The following DNAJC15 variants were observed in gnomAD, a reference collection of about 807,000 sequenced individuals.
The protein encoded by DNAJC15 is DnaJ heat shock protein family (Hsp40) member C15.
Under a neutral mutation model 22.4 loss-of-function variants are expected in DNAJC15, and 27 were observed. That is an observed-to-expected ratio of 1.20 (90% CI 0.89 to 1.66). The LOEUF is 1.66. DNAJC15 is among the 40% of genes most tolerant of loss of function. The probability of loss-of-function intolerance (pLI) is 0.00; values close to 1 mark genes in which losing one functional copy is unlikely to be tolerated. For missense variants in DNAJC15, 208 were observed against 187.1 expected (o/e 1.11, Z -0.65); for synonymous variants, 79 against 63.2 (o/e 1.25, Z -1.19).
intron 4 of DNAJC15, among the ~76,000 whole-genome samples, chr13:43,079,030 T>G (rs1047010946): frequency 6.6e-6 from 1 of 152,204 alleles, no homozygotes; most frequent in African/African-American, 2.4e-5. Flanking sequence ...TATTGTTAAT[T>G]ATAATCCAGG....
At chr13:43,047,172 T>C (rs544463192) in intron 1 of DNAJC15, among the ~76,000 whole-genome samples, 8 of 152,308 alleles carry the variant, frequency 5.3e-5, no homozygotes, top group African/African-American at 1.9e-4. Context: ...CTTAAGATCA[T>C]TTTCATGTCA....
chr13:43,027,064 A>G (rs1184791680), intron 1 of DNAJC15, among the ~76,000 whole-genome samples: 1 of 152,242 alleles, frequency 6.6e-6, no homozygotes, highest in African/African-American at 2.4e-5. Context: ...ATGGTTTAAT[A>G]GAAGTCATAA....
chr13:43,057,052 T>C (rs989845016), intron 1 of DNAJC15, among the ~76,000 whole-genome samples: 1 of 152,242 alleles, frequency 6.6e-6, no homozygotes, highest in African/African-American at 2.4e-5. Flanking sequence ...ATTCTTTCCT[T>C]CATCTTGACT....
chr13:43,101,275 G>C (rs1231848738), intron 5 of DNAJC15, among the ~76,000 whole-genome samples: 3 of 152,144 alleles, frequency 2.0e-5, no homozygotes, highest in Admixed American at 6.5e-5. Context: ...TGATCCTCCT[G>C]CCCCAGCCTC....
intron 4 of DNAJC15, among the ~76,000 whole-genome samples, chr13:43,083,359 G>A (rs1257724545): frequency 6.6e-6 from 1 of 152,058 alleles, no homozygotes; most frequent in Non-Finnish European, 1.5e-5. Flanking sequence ...AGTAGAGACA[G>A]GGTTTCACCA....
At chr13:43,044,922 T>C (rs1273447756) in intron 1 of DNAJC15, among the ~76,000 whole-genome samples, 3 of 152,128 alleles carry the variant, frequency 2.0e-5, no homozygotes, top group Non-Finnish European at 4.4e-5. Context: ...CTTTTCATCC[T>C]CTACAATCTA....
intron 3 of DNAJC15, among the ~76,000 whole-genome samples, chr13:43,070,694 A>C (rs559295496): frequency 6.6e-6 from 1 of 152,298 alleles, no homozygotes; most frequent in East Asian, 1.9e-4. Context: ...TAGCAGCAAG[A>C]GTAACTCCAA....
Position 43,024,793 on chromosome 13 carries a change from G to A in DNAJC15, c.108+1059G>A, listed in dbSNP as rs556423877. Among the ~76,000 whole-genome samples the A allele has an allele frequency of 2.0e-5, 3 of 151,114 alleles. 1 individual carries two copies. The South Asian group carries it at 6.3e-4, about 32-fold the overall frequency. ...GAAATATTGCCCAAGTGGTGGTTTA[G>A]GCTTGTAATCCCAGCGCTTTAGGAA... On this transcript the variant is annotated intron_variant, in intron 1 of 5. Coordinates refer to ENST00000379221, the MANE Select transcript of DNAJC15 (RefSeq NM_013238.3).
intron 3 of DNAJC15, among the ~76,000 whole-genome samples, chr13:43,075,374 A>G (rs2040628617): frequency 6.6e-6 from 1 of 152,204 alleles, no homozygotes; most frequent in Admixed American, 6.5e-5. Context: ...TATAGTGGGA[A>G]TGACAGTTTA....
intron 1 of DNAJC15, among the ~76,000 whole-genome samples, chr13:43,032,307 T>G (rs559072385): frequency 1.6e-4 from 24 of 152,226 alleles, no homozygotes; most frequent in Non-Finnish European, 3.5e-4. Flanking sequence ...TGAATGCATA[T>G]GGGCCTGCGA....
Position 43,081,524 on chromosome 13 carries a change from C to T in DNAJC15, c.311+2836C>T, listed in dbSNP as rs368926793. ...CACGATCTCCCCTCACTGCAAGCTGCGCCTCCCAGGTTCACGCCATTCTCC... is the reference window on the plus strand; with the variant it reads ...CACGATCTCCCCTCACTGCAAGCTGTGCCTCCCAGGTTCACGCCATTCTCC... On this transcript the variant is annotated intron_variant, in intron 4 of 5. Coordinates refer to ENST00000379221, the MANE Select transcript of DNAJC15 (RefSeq NM_013238.3). Among the ~76,000 whole-genome samples, 23 of 151,882 alleles carry T rather than the reference C, an allele frequency of 1.5e-4. No individual in the cohort carries two copies. In the South Asian group the frequency reaches 3.7e-3, roughly 25 times the overall value.
At chr13:43,036,573 C>T (rs1436840388) in intron 1 of DNAJC15, among the ~76,000 whole-genome samples, 2 of 152,224 alleles carry the variant, frequency 1.3e-5, no homozygotes, top group African/African-American at 2.4e-5. Context: ...GCAGCCTGGC[C>T]CCTAGGCTTC....
chr13:43,023,645 A>T lies in DNAJC15; in HGVS notation c.19A>T (p.Ile7Phe). Residue 7 changes from isoleucine (I) to phenylalanine (F), a missense_variant, in exon 1 of 6, where the codon ATC (isoleucine) becomes TTC (phenylalanine). Coordinates refer to ENST00000379221, the MANE Select transcript of DNAJC15 (RefSeq NM_013238.3). Reference sequence around the variant, plus strand: ...CCTTGCCATGGCTGCCCGTGGTGTCATCGCTCCAGTTGGCGAGAGTTTGCG... The same window carrying T: ...CCTTGCCATGGCTGCCCGTGGTGTCTTCGCTCCAGTTGGCGAGAGTTTGCG... MAARGV[I>F]APVGESLRYA... 1 of 1,612,014 alleles carries T rather than the reference A, an allele frequency of 6.2e-7. No homozygotes were observed. The highest frequency in any genetic ancestry group is 1.1e-5 in the South Asian group (1 of 90,680).
intron 1 of DNAJC15, among the ~76,000 whole-genome samples, chr13:43,061,624 C>T (rs2040559417): frequency 6.6e-6 from 1 of 152,182 alleles, no homozygotes; most frequent in Non-Finnish European, 1.5e-5. Flanking sequence ...GCAGGCATTT[C>T]AAATGGCGGA....
chr13:43,111,846 C>T lies in DNAJC15; in HGVS notation c.*4598C>T, dbSNP rs1338893779. ...GGAAAAGCAACCCAAAGAGCAAATC[C>T]TATTAATGGCTGGATCAGTATCATC... is the stretch of plus-strand genomic sequence containing the variant. On this transcript the variant is annotated 3_prime_UTR_variant, in exon 6 of 6. Transcript: ENST00000379221. The T allele has an allele frequency of 6.6e-6, 1 of 152,184 alleles. No individual in the cohort carries two copies. The highest frequency in any genetic ancestry group is 1.5e-5 in the Non-Finnish European group (1 of 68,054). 9.4% of individuals were successfully genotyped at this position (152,184 alleles called of 1,614,324 possible).
rs1054335786 is a variant in DNAJC15 at position 43,060,396 on chromosome 13, G to A, written c.109-5290G>A. ...AAAGTAAACGAAAGACACAAGGTCC[G>A]AATAAAAGAAGGAGGAAAATAGGTA... On this transcript the variant is annotated intron_variant, in intron 1 of 5. Coordinates refer to ENST00000379221, the MANE Select transcript of DNAJC15 (RefSeq NM_013238.3). Among the ~76,000 whole-genome samples the A allele has an allele frequency of 3.9e-5, 6 of 152,230 alleles. No homozygotes were observed. The East Asian group carries it at 5.8e-4, about 15-fold the overall frequency.
intron 1 of DNAJC15, among the ~76,000 whole-genome samples, chr13:43,051,309 G>C (rs561058285): frequency 1.3e-5 from 2 of 152,042 alleles, no homozygotes; most frequent in Non-Finnish European, 2.9e-5. Flanking sequence ...AGTTTTGGGG[G>C]AACAGGTGGT....
At chr13:43,059,841 A>G (rs1051993242) in intron 1 of DNAJC15, among the ~76,000 whole-genome samples, 5 of 152,140 alleles carry the variant, frequency 3.3e-5, no homozygotes, top group Non-Finnish European at 4.4e-5. Flanking sequence ...GTTAGGAGCA[A>G]TGTTTCGCGG....
intron 1 of DNAJC15, among the ~76,000 whole-genome samples, chr13:43,038,502 G>A (rs1042449212): frequency 6.6e-6 from 1 of 152,142 alleles, no homozygotes; most frequent in African/African-American, 2.4e-5. Flanking sequence ...TTAAAAATAC[G>A]ACTGGGGAGG....
Sources: allele counts gnomAD v4.1 joint callset (sites outside exome capture counted in the v4.1 genomes callset), GRCh38; gene constraint gnomAD v4.1.1; transcripts MANE v1.5; gene names NCBI Gene and HGNC (gene_info 2026-07-23, HGNC 2026-07-21).